The following PSME4 variants were observed in gnomAD, a reference collection of about 807,000 sequenced individuals.
PSME4 encodes proteasome activator complex subunit 4.
Under a neutral mutation model 253.9 loss-of-function variants are expected in PSME4, and 89 were observed. The observed-to-expected ratio is 0.35, with a 90% CI of 0.30 to 0.42. PSME4 has a LOEUF of 0.42. Ranked by LOEUF, PSME4 falls within the 10% of genes least tolerant of loss-of-function variation. The pLI, the probability that PSME4 is intolerant of heterozygous loss-of-function variation, is 1.00. For synonymous variants in PSME4, 851 were observed against 759.2 expected, an observed-to-expected ratio of 1.12 and a Z score of -1.99; for missense variants, 2,014 against 2,195.2, an observed-to-expected ratio of 0.92 and a Z score of 1.65.
intron 1 of PSME4, among the ~76,000 whole-genome samples, chr2:53,959,025 C>T (rs186612268): frequency 6.6e-6 from 1 of 152,166 alleles, no homozygotes; most frequent in East Asian, 1.9e-4. Flanking sequence ...TTTTAAAATG[C>T]CACTTAAGAG....
chr2:53,885,953 C>T (rs778556413), intron 40 of PSME4, among the ~76,000 whole-genome samples, 178 bp from the exon 41 acceptor site: 1 of 152,024 alleles, frequency 6.6e-6, no homozygotes, highest in Non-Finnish European at 1.5e-5. Context: ...TATAACAGCA[C>T]CCAAAATAAA....
chr2:53,870,483 C>T (rs946757183), intron 43 of PSME4: 6 of 150,610 alleles, frequency 4.0e-5, no homozygotes, highest in African/African-American at 1.5e-4. Flanking sequence ...ATGCCATTCT[C>T]CTGCCTCATC....
chr2:53,953,218 G>C (rs1361600026), intron 1 of PSME4, among the ~76,000 whole-genome samples: 1 of 151,972 alleles, frequency 6.6e-6, no homozygotes, highest in Non-Finnish European at 1.5e-5. Flanking sequence ...ACTATAAAAA[G>C]AAAATTAATA....
chr2:53,890,919 C>T (rs1042578796), intron 36 of PSME4, among the ~76,000 whole-genome samples: 5 of 152,068 alleles, frequency 3.3e-5, no homozygotes, highest in Non-Finnish European at 5.9e-5. Context: ...CCCAACTACT[C>T]GGGAGGCTGA....
intron 44 of PSME4, among the ~76,000 whole-genome samples, chr2:53,867,182 G>C (rs551648772): frequency 1.3e-5 from 2 of 152,222 alleles, no homozygotes; most frequent in African/African-American, 4.8e-5. Context: ...AATAAAGTGA[G>C]AACCTGTCTC....
intron 28 of PSME4, among the ~76,000 whole-genome samples, 163 bp from the exon 29 acceptor site, chr2:53,900,180 C>G (rs1157250000): frequency 6.6e-6 from 1 of 152,078 alleles, no homozygotes; most frequent in Non-Finnish European, 1.5e-5. Context: ...AATTTATTGA[C>G]AGAGAAAGTG....
chr2:53,940,875 AAT>A (rs1362562225), intron 3 of PSME4, among the ~76,000 whole-genome samples: 24 of 102,612 alleles, frequency 2.3e-4, no homozygotes, highest in Admixed American at 1.2e-3. Flanking sequence ...TATATATTTA[AAT>A]ATATATAATA....
At chr2:53,900,399 C>CT (rs756848079) in intron 28 of PSME4, among the ~76,000 whole-genome samples, 2 of 128,448 alleles carry the variant, frequency 1.6e-5, no homozygotes, top group Admixed American at 1.6e-4. Flanking sequence ...GTCTCTCTCT[C>CT]AAAAAAAAAA....
chr2:53,913,984 A>G (rs1345764836), intron 20 of PSME4, among the ~76,000 whole-genome samples: 1 of 152,222 alleles, frequency 6.6e-6, no homozygotes, highest in African/African-American at 2.4e-5. Context: ...CATAAGCAAC[A>G]CATCCTTTCA....
chr2:53,959,454 C>T (rs1299617033), intron 1 of PSME4, among the ~76,000 whole-genome samples: 1 of 152,146 alleles, frequency 6.6e-6, no homozygotes, highest in East Asian at 1.9e-4. Context: ...CTACCATGAC[C>T]CATGAGATCT....
intron 18 of PSME4, among the ~76,000 whole-genome samples, 167 bp downstream of exon 18, chr2:53,920,722 A>G (rs1668276305): frequency 6.6e-6 from 1 of 152,250 alleles, no homozygotes; most frequent in African/African-American, 2.4e-5. Context: ...CTAGAGTTTC[A>G]GTTCCATGCA....
At chr2:53,915,517 A>G (rs2104446966) in intron 20 of PSME4, among the ~76,000 whole-genome samples, 1 of 152,126 alleles carries the variant, frequency 6.6e-6, no homozygotes, top group African/African-American at 2.4e-5. Flanking sequence ...GGATCACTTG[A>G]GCTCACAGAC....
At position 53,867,837 on chromosome 2, in the gene PSME4, A is replaced by G. The variant is rs549340587; in HGVS notation, c.5264-957T>C. 3.3e-5 allele frequency among the ~76,000 whole-genome samples: 5 copies of G among 152,194 alleles called. No individual in the cohort carries two copies. The South Asian group carries it at 1.0e-3, about 32-fold the overall frequency. The stretch of plus-strand genomic sequence containing the variant: ...TGACGCCCCTACCCAGAATACATCA[A>G]TTCATTAGTAAACACATCATGTATG... On this transcript the variant is annotated intron_variant, in intron 44 of 46. Transcript: ENST00000404125.
chr2:53,932,801 T>C (rs1448543061), intron 8 of PSME4, 41 bp from the exon 9 acceptor site: 3 of 1,510,042 alleles, frequency 2.0e-6, no homozygotes, highest in Admixed American at 1.7e-5. Context: ...ACCCACATCA[T>C]ACTGTAAAAA....
rs1363652875 is a variant in PSME4, at chr2:53,934,361, T to C, written c.957+244A>G. The stretch of plus-strand genomic sequence containing the variant: ...TCCCGGACAGTAAAAATGTTAGACA[T>C]CGTGAATCCCTCAAAACCCTAGATT... On this transcript the variant is annotated intron_variant, in intron 8 of 46. Transcript: ENST00000404125. Among the ~76,000 whole-genome samples, 3 of 152,172 alleles carry C rather than the reference T, an allele frequency of 2.0e-5. No individual in the cohort carries two copies. In the South Asian group the frequency reaches 6.2e-4, roughly 32 times the overall value.
rs775649558 is a variant in PSME4 at position 53,949,302 on chromosome 2, T to C, written c.243-19A>G. The C allele has an allele frequency of 7.4e-6, 11 of 1,491,160 alleles. No homozygotes were observed. In the Admixed American group the frequency reaches 1.8e-4, roughly 24 times the overall value. The allele number at this position is 1,491,160 out of a possible 1,614,324, so 92.4% of individuals were successfully genotyped here. A position where few individuals can be genotyped will look rare whatever the true frequency, so the allele number is the denominator to read the frequency against. On this transcript the variant is annotated intron_variant, in intron 1 of 46. Coordinates refer to ENST00000404125, the MANE Select transcript of PSME4 (RefSeq NM_014614.3). ...AATATATCTGCAAGAGAAAAATAGATATACCCTTTAAAAATAGGTATGATG... is the reference window on the plus strand; with the variant it reads ...AATATATCTGCAAGAGAAAAATAGACATACCCTTTAAAAATAGGTATGATG...
At chr2:53,925,138 T>C (rs564840994) in intron 14 of PSME4, among the ~76,000 whole-genome samples, 1 of 152,290 alleles carries the variant, frequency 6.6e-6, no homozygotes, top group Admixed American at 6.5e-5. Flanking sequence ...TTTTGACATT[T>C]TTAAACAGCA....
intron 14 of PSME4, among the ~76,000 whole-genome samples, chr2:53,924,992 A>C (rs1321036824): frequency 6.6e-6 from 1 of 152,228 alleles, no homozygotes. Flanking sequence ...ACTAACATTT[A>C]ATCCGCAGTC....
At chr2:53,868,296 C>T (rs1017293465) in intron 44 of PSME4, among the ~76,000 whole-genome samples, 1 of 150,790 alleles carries the variant, frequency 6.6e-6, no homozygotes, top group Non-Finnish European at 1.5e-5. Context: ...ACTAAAAATA[C>T]AAAAAATTAG....
Sources: gnomAD v4.1 joint callset for allele counts (sites outside exome capture counted in the v4.1 genomes callset) on GRCh38, gnomAD v4.1.1 for gene constraint, MANE v1.5 for transcripts, NCBI Gene and HGNC (gene_info 2026-07-23, HGNC 2026-07-21) for gene names.